PUDP: variants seen among roughly 807,000 people sequenced by gnomAD.
PUDP encodes pseudouridine-5'-phosphatase.
Under a neutral mutation model 9.4 loss-of-function variants are expected in PUDP, and 8 were observed. That is an observed-to-expected ratio of 0.85 (90% CI 0.50 to 1.53). The LOEUF (loss-of-function observed/expected upper bound fraction) is 1.53. Ranked by LOEUF, PUDP falls within the 40% of genes most tolerant of loss-of-function variation. The pLI, the probability that PUDP is intolerant of heterozygous loss-of-function variation, is 0.00. For missense variants in PUDP, 188 were observed against 189.7 expected, an observed-to-expected ratio of 0.99 and a Z score of 0.05; for synonymous variants, 99 against 80.7, an observed-to-expected ratio of 1.23 and a Z score of -1.22.
At chrX:6,874,629 A>C (rs1216948445) in intron 3 of PUDP, among the ~76,000 whole-genome samples, 1 of 112,409 alleles carries the variant, frequency 8.9e-6, no homozygotes, top group Non-Finnish European at 1.9e-5. Flanking sequence ...ATGCTGGTGA[A>C]GTTGATCCAT....
chrX:6,716,241 C>G (rs1335565419), intron 1 of PUDP, among the ~76,000 whole-genome samples: 1 of 111,647 alleles, frequency 9.0e-6, no homozygotes, highest in Non-Finnish European at 1.9e-5. Context: ...CTGGGCTGAA[C>G]TTACCCAGAA....
intron 3 of PUDP, among the ~76,000 whole-genome samples, chrX:6,793,095 G>A (rs916545862): frequency 8.9e-6 from 1 of 112,472 alleles, no homozygotes; most frequent in African/African-American, 3.2e-5. Context: ...TTAAGCAGCC[G>A]GCAGACTTGG....
intron 1 of PUDP, among the ~76,000 whole-genome samples, chrX:7,129,754 A>G (rs1932571454): frequency 8.9e-6 from 1 of 111,949 alleles, no homozygotes; most frequent in African/African-American, 3.3e-5. Context: ...CTGACCTTTT[A>G]AAGATCTCAC....
At chrX:7,021,561 C>A (rs1430842325) in intron 1 of PUDP, among the ~76,000 whole-genome samples, 2 of 112,244 alleles carry the variant, frequency 1.8e-5, no homozygotes, top group Non-Finnish European at 3.8e-5. Flanking sequence ...TTTGTTGTTG[C>A]AAATTTGCTC....
intron 1 of PUDP, among the ~76,000 whole-genome samples, chrX:7,028,814 A>T (rs1341468462): frequency 2.7e-5 from 3 of 111,600 alleles, no homozygotes; most frequent in African/African-American, 9.8e-5. Flanking sequence ...ACAGACATTG[A>T]TTCTCTTGCA....
chrX:6,787,791 C>T (rs1441669916), intron 3 of PUDP, among the ~76,000 whole-genome samples: 1 of 111,967 alleles, frequency 8.9e-6, no homozygotes, highest in Non-Finnish European at 1.9e-5. Context: ...AAATTGTTTG[C>T]TTTTATTTTA....
At chrX:6,760,552 C>A (rs1925218293) in intron 3 of PUDP, among the ~76,000 whole-genome samples, 1 of 112,063 alleles carries the variant, frequency 8.9e-6, no homozygotes, top group African/African-American at 3.2e-5. Flanking sequence ...AGCAATCATG[C>A]ATTCCTGTTT....
chrX:7,119,291 G>A (rs370285557), intron 1 of PUDP, among the ~76,000 whole-genome samples: 7 of 112,470 alleles, frequency 6.2e-5, no homozygotes, highest in African/African-American at 1.6e-4. Flanking sequence ...GCACTACCGC[G>A]CTTTTCCCTA....
intron 1 of PUDP, among the ~76,000 whole-genome samples, chrX:6,996,697 T>G: frequency 9.6e-6 from 1 of 104,532 alleles, no homozygotes; most frequent in Non-Finnish European, 2.0e-5. Flanking sequence ...GTTTCACTCT[T>G]GCTGCCCAGG....
chrX:6,902,841 G>T (rs1927711139), intron 3 of PUDP, among the ~76,000 whole-genome samples: 1 of 111,764 alleles, frequency 8.9e-6, no homozygotes, highest in South Asian at 3.8e-4. Context: ...TTGCCATGTA[G>T]GGAGTGTCTG....
intron 1 of PUDP, among the ~76,000 whole-genome samples, chrX:7,003,034 A>T (rs927012105): frequency 2.7e-5 from 3 of 111,280 alleles, no homozygotes; most frequent in African/African-American, 6.6e-5. Context: ...TACGTAGAAG[A>T]CGTAATGTCA....
At chrX:6,780,093 G>C (rs953788485) in intron 3 of PUDP, among the ~76,000 whole-genome samples, 21 of 92,621 alleles carry the variant, frequency 2.3e-4, no homozygotes, top group African/African-American at 7.7e-4. Context: ...ATTCAGAAAA[G>C]CAAAGGAAAA....
intron 1 of PUDP, among the ~76,000 whole-genome samples, chrX:7,040,915 G>A (rs1481776580): frequency 2.7e-5 from 3 of 110,531 alleles, no homozygotes; most frequent in African/African-American, 6.6e-5. Flanking sequence ...CCTCTCCAGC[G>A]TCCTAACAAG....
chrX:6,770,715 A>T (rs1471977895), intron 3 of PUDP, among the ~76,000 whole-genome samples: 6 of 111,693 alleles, frequency 5.4e-5, no homozygotes, highest in African/African-American at 2.0e-4. Context: ...CACACCACCA[A>T]TTCATCCACA....
chrX:6,706,913 T>C (rs955300676), intron 1 of PUDP, among the ~76,000 whole-genome samples: 2 of 111,359 alleles, frequency 1.8e-5, no homozygotes, highest in Non-Finnish European at 3.8e-5. Flanking sequence ...CCTTGTCCTT[T>C]GTTGTGTCAC....
chrX:7,057,585 G>A lies in PUDP; in HGVS notation c.511-7113C>T, dbSNP rs764087180. 3.1e-5 allele frequency: 33 copies of A among 1,074,659 alleles called. 1 individual carries two copies. In the Admixed American group the frequency reaches 3.3e-4, roughly 11 times the overall value. 88.6% of individuals were successfully genotyped at this position (1,074,659 alleles called of 1,213,427 possible). A position where few individuals can be genotyped will look rare whatever the true frequency, so the allele number is the denominator to read the frequency against. The stretch of plus-strand genomic sequence containing the variant: ...TTCTGATGTGGTGGGTCTTGGGGCC[G>A]CCATTTTGGTGGCAGGAAGGAGAGG... On this transcript the variant is annotated intron_variant, in intron 3 of 3. Transcript: ENST00000381077.
chrX:6,987,199 T>C (rs1293659289), intron 1 of PUDP, among the ~76,000 whole-genome samples: 1 of 111,880 alleles, frequency 8.9e-6, no homozygotes, highest in Admixed American at 9.5e-5. Context: ...CTAAAAAACC[T>C]GGGAAGAAAA....
intron 3 of PUDP, among the ~76,000 whole-genome samples, chrX:6,756,398 T>C (rs1284871095): frequency 8.9e-6 from 1 of 112,521 alleles, no homozygotes; most frequent in Non-Finnish European, 1.9e-5. Context: ...TATTCAGCCA[T>C]ACAAATGGTT....
At chrX:7,098,215 G>C (rs772309748) in intron 2 of PUDP, among the ~76,000 whole-genome samples, 1 of 112,441 alleles carries the variant, frequency 8.9e-6, no homozygotes, top group Admixed American at 9.4e-5. Flanking sequence ...TCTGGGACTG[G>C]ACACTTGTAA....
Sources: gnomAD v4.1 joint callset for allele counts (sites outside exome capture counted in the v4.1 genomes callset) on GRCh38, gnomAD v4.1.1 for gene constraint, MANE v1.5 for transcripts, NCBI Gene and HGNC (gene_info 2026-07-23, HGNC 2026-07-21) for gene names.